Variants in RAB40B observed in about 807,000 individuals in gnomAD.
RAB40B encodes RAB40B, member RAS oncogene family, also known as ras-related protein Rab-40B.
A neutral mutation model predicts 24.0 loss-of-function variants in RAB40B; 21 were observed. That is an observed-to-expected ratio of 0.88 (90% CI 0.62 to 1.26). The LOEUF is 1.26. Among genes scored for constraint, RAB40B ranks in the 50% most tolerant of loss-of-function variants. The pLI is 0.00. For synonymous variants in RAB40B, 167 were observed against 169.8 expected (o/e 0.98, Z 0.13); for missense variants, 348 against 390.5 (o/e 0.89, Z 0.92).
intron 1 of RAB40B, among the ~76,000 whole-genome samples, chr17:82,698,180 G>C (rs945476292): frequency 5.9e-5 from 9 of 151,954 alleles, no homozygotes; most frequent in African/African-American, 1.9e-4. Flanking sequence ...ACTGCGCCGC[G>C]GGGCCTCGAG....
intron 1 of RAB40B, among the ~76,000 whole-genome samples, chr17:82,691,290 A>T (rs1040302061): frequency 6.6e-6 from 1 of 152,182 alleles, no homozygotes; most frequent in Non-Finnish European, 1.5e-5. Context: ...AGGAGAAAGG[A>T]TTGGAGAAGA....
Position 82,658,698 on chromosome 17 carries a change from G to A in RAB40B, c.358C>T (p.Pro120Ser), listed in dbSNP as rs1488331788. The A allele has an allele frequency of 6.2e-7, 1 of 1,609,878 alleles. No individual in the cohort carries two copies. The highest frequency in any genetic ancestry group is 1.1e-5 in the South Asian group (1 of 90,982). Residue 120 changes from proline (P) to serine (S), a missense_variant, in exon 5 of 6, where the codon CCC (proline) becomes TCC (serine). Around this residue, in one of 3 missense-constraint regions of RAB40B, gnomAD observed 126 missense variants for 181.0 expected, o/e 0.70. Transcript: ENST00000571995. ...KEIDEHAPGVPKILVGNRLHL... is the reference protein window; with the variant it reads ...KEIDEHAPGVSKILVGNRLHL... ...AGGCGGTTCCCCACCAGGATCTTGG[G>A]GACTCCGGGGGCATGCTAGCGGGCA...
chr17:82,669,475 CA>C (rs1426823496), intron 1 of RAB40B, among the ~76,000 whole-genome samples: 4 of 151,586 alleles, frequency 2.6e-5, no homozygotes, highest in Non-Finnish European at 5.9e-5. Flanking sequence ...AACTCTGTCT[CA>C]AAAAAATAAA....
intron 1 of RAB40B, among the ~76,000 whole-genome samples, chr17:82,666,481 G>C (rs1429589786): frequency 6.6e-6 from 1 of 151,988 alleles, no homozygotes; most frequent in African/African-American, 2.4e-5. Flanking sequence ...CTGACTTCAG[G>C]TGATCCACTT....
rs572438585 is a variant in RAB40B at position 82,692,583 on chromosome 17, G to A, written c.142+5872C>T. On this transcript the variant is annotated intron_variant, in intron 1 of 5. Transcript: ENST00000571995. This position sits in a 1 kb window ranked among gnomAD's most constrained non-coding sequence, Gnocchi z 4.0. ...TCAGCTGGGACAACGGTGGCCGTGC[G>A]ATGCGGGGTGGGGGTGGGGGGCATC... Among the ~76,000 whole-genome samples, 6 of 152,022 alleles carry A rather than the reference G, an allele frequency of 3.9e-5. No individual in the cohort carries two copies. Among genetic ancestry groups the A allele is most frequent in the Admixed American group, 1.3e-4 (2 of 15,284 alleles).
In RAB40B at chr17:82,667,399, T is replaced by C. The variant is rs537248115; in HGVS notation, c.143-2843A>G. Among the ~76,000 whole-genome samples the C allele has an allele frequency of 7.9e-5, 12 of 152,352 alleles. No homozygotes were observed. In the South Asian group the frequency reaches 2.5e-3, roughly 32 times the overall value. ...CCTCCACTTTCCACTGATGCAGCCATGAGCACGTGCATGGCACACCTGCCT... is the reference window on the plus strand; with the variant it reads ...CCTCCACTTTCCACTGATGCAGCCACGAGCACGTGCATGGCACACCTGCCT... On this transcript the variant is annotated intron_variant, in intron 1 of 5. Coordinates refer to ENST00000571995, the MANE Select transcript of RAB40B (RefSeq NM_006822.3). The surrounding 1 kb of genome is among the most constrained non-coding windows in gnomAD (Gnocchi z 4.3).
chr17:82,681,020 CAAAAAAAAAAAAAAA>C (rs201799464), intron 1 of RAB40B, among the ~76,000 whole-genome samples: 16 of 93,932 alleles, frequency 1.7e-4, no homozygotes, highest in Non-Finnish European at 1.6e-4. Context: ...GACTCCATCT[CAAAAAAAAAAAAAAA>C]AAAAAAAAAA....
At chr17:82,677,436 C>T (rs1278697724) in intron 1 of RAB40B, among the ~76,000 whole-genome samples, 1 of 152,204 alleles carries the variant, frequency 6.6e-6, no homozygotes, top group Non-Finnish European at 1.5e-5. Flanking sequence ...CATTACAAGC[C>T]GGGCTGCTTC....
At chr17:82,670,331 C>G (rs1395851183) in intron 1 of RAB40B, among the ~76,000 whole-genome samples, 2 of 151,880 alleles carry the variant, frequency 1.3e-5, no homozygotes, top group East Asian at 3.9e-4. Flanking sequence ...ATTACAGGCA[C>G]ACGCCAGCAA....
intron 1 of RAB40B, among the ~76,000 whole-genome samples, chr17:82,682,144 C>G (rs1036206221): frequency 6.6e-6 from 1 of 151,754 alleles, no homozygotes; most frequent in Non-Finnish European, 1.5e-5. Flanking sequence ...CACACAGGCA[C>G]GCATGCACAC....
intron 1 of RAB40B, among the ~76,000 whole-genome samples, chr17:82,674,283 G>GA (rs1162240271): frequency 6.6e-6 from 1 of 151,312 alleles, no homozygotes; most frequent in East Asian, 2.0e-4. Context: ...AGGTTGCAGT[G>GA]AGCCAAGATC....
At chr17:82,680,798 G>A (rs998240858) in intron 1 of RAB40B, among the ~76,000 whole-genome samples, 2 of 152,098 alleles carry the variant, frequency 1.3e-5, no homozygotes, top group African/African-American at 2.4e-5. Context: ...TTGGAAGGCT[G>A]AGGCAGTTGC....
chr17:82,676,132 C>T (rs1173112436), intron 1 of RAB40B, among the ~76,000 whole-genome samples: 1 of 152,150 alleles, frequency 6.6e-6, no homozygotes, highest in East Asian at 1.9e-4. Context: ...TCGTGGGACG[C>T]ACTCACCACA....
chr17:82,688,971 A>G lies in RAB40B; in HGVS notation c.142+9484T>C, dbSNP rs117651631. Among the ~76,000 whole-genome samples the G allele has an allele frequency of 1.3e-3, 199 of 152,358 alleles. No homozygotes were observed. In the East Asian group the frequency reaches 0.03, roughly 23 times the overall value. On this transcript the variant is annotated intron_variant, in intron 1 of 5. Coordinates refer to ENST00000571995, the MANE Select transcript of RAB40B (RefSeq NM_006822.3). ...AAAATTGTTTTGTTTGATAAAGTCTAGATCTCTAATATTTTTATGCCCAAG... is the reference window on the plus strand; with the variant it reads ...AAAATTGTTTTGTTTGATAAAGTCTGGATCTCTAATATTTTTATGCCCAAG...
chr17:82,687,112 G>A (rs1368542265), intron 1 of RAB40B, among the ~76,000 whole-genome samples: 1 of 151,818 alleles, frequency 6.6e-6, no homozygotes, highest in Non-Finnish European at 1.5e-5. Context: ...ATCTGATGAC[G>A]CTGGCCTCTA....
chr17:82,686,669 G>A (rs2046505511), intron 1 of RAB40B, among the ~76,000 whole-genome samples: 1 of 152,198 alleles, frequency 6.6e-6, no homozygotes, highest in South Asian at 2.1e-4. Context: ...AAGGGAGCGT[G>A]GCCCAGGCAA....
Position 82,658,563 on chromosome 17 carries a change from C to CT in RAB40B, c.492dup (p.Glu165ArgfsTer199). 1 of 1,613,762 alleles carries CT rather than the reference C, an allele frequency of 6.2e-7. No individual in the cohort carries two copies. Among genetic ancestry groups the CT allele is most frequent in the South Asian group, 1.1e-5 (1 of 91,084 alleles). ...ATCCTGGCCAGCTCCGTGAACGACT[C>CT]TGTGATGTTGAAATTGCACAGAGGG... is the stretch of plus-strand genomic sequence containing the variant. On this transcript the variant is annotated frameshift_variant, in exon 5 of 6. Transcript: ENST00000571995. LOFTEE classifies it high-confidence loss of function.
At chr17:82,682,104 T>TAC (rs758485165) in intron 1 of RAB40B, among the ~76,000 whole-genome samples, 3 of 103,556 alleles carry the variant, frequency 2.9e-5, no homozygotes, top group South Asian at 3.5e-4. Context: ...GACATTACTA[T>TAC]ACACACACAC....
chr17:82,690,410 T>C (rs58311022), intron 1 of RAB40B, among the ~76,000 whole-genome samples: 3,245 of 109,166 alleles, frequency 0.03, 144 homozygotes, highest in African/African-American at 0.092. Context: ...ACATGTGTTC[T>C]CAGGGAGCAG....
Sources: gnomAD v4.1 joint callset for allele counts (sites outside exome capture counted in the v4.1 genomes callset) on GRCh38, gnomAD v4.1.1 for gene constraint, gnomAD v4.1.1 regional missense constraint, Gnocchi (gnomAD v3.1) non-coding constraint, MANE v1.5 for transcripts, NCBI Gene and HGNC (gene_info 2026-07-23, HGNC 2026-07-21) for gene names.